The following DOK6 variants were observed in gnomAD, a reference collection of about 807,000 sequenced individuals.
DOK6 encodes downstream of tyrosine kinase 6.
A neutral mutation model predicts 44.0 loss-of-function variants in DOK6; 22 were observed. That is an observed-to-expected ratio of 0.50 (90% CI 0.36 to 0.71). The LOEUF is 0.71. Ranked by LOEUF, DOK6 falls within the 30% of genes least tolerant of loss-of-function variation. DOK6 has a pLI of 0.00. For synonymous variants in DOK6, 166 were observed against 145.5 expected (o/e 1.14, Z -1.01); for missense variants, 340 against 416.4 (o/e 0.82, Z 1.60).
chr18:69,621,049 G>C (rs1984428291), intron 3 of DOK6, among the ~76,000 whole-genome samples: 3 of 151,062 alleles, frequency 2.0e-5, no homozygotes, highest in Admixed American at 6.6e-5. Context: ...CTACTTGAAT[G>C]CATTCTGGTT....
At chr18:69,656,041 G>A (rs4533382) in intron 3 of DOK6, among the ~76,000 whole-genome samples, 131 of 151,958 alleles carry the variant, frequency 8.6e-4, no homozygotes, top group Middle Eastern at 3.4e-3. Flanking sequence ...AAGTCAACAA[G>A]TAGACACATA....
intron 1 of DOK6, among the ~76,000 whole-genome samples, chr18:69,537,207 A>G (rs1982148582): frequency 6.6e-6 from 1 of 152,258 alleles, no homozygotes. Context: ...CTTTGATTTT[A>G]TAAAGACTTT....
intron 1 of DOK6, among the ~76,000 whole-genome samples, chr18:69,454,676 T>C (rs1166487530): frequency 8.0e-6 from 1 of 125,550 alleles, no homozygotes; most frequent in African/African-American, 2.8e-5. Flanking sequence ...CCAACAATTA[T>C]AGACTGGATT....
intron 2 of DOK6, among the ~76,000 whole-genome samples, chr18:69,598,655 T>A (rs1471350645): frequency 6.6e-6 from 1 of 152,144 alleles, no homozygotes; most frequent in Non-Finnish European, 1.5e-5. Context: ...GTTGAGGAAA[T>A]ATACATTTGT....
chr18:69,756,169 G>A (rs1051247685), intron 6 of DOK6, among the ~76,000 whole-genome samples: 9 of 152,224 alleles, frequency 5.9e-5, no homozygotes, highest in South Asian at 2.1e-4. Flanking sequence ...GAGGTTCCCC[G>A]GGGAGCCTTC....
chr18:69,478,182 G>C (rs1056214139), intron 1 of DOK6, among the ~76,000 whole-genome samples: 1 of 152,086 alleles, frequency 6.6e-6, no homozygotes, highest in African/African-American at 2.4e-5. Flanking sequence ...GAGAGAAGAG[G>C]CTTTCCGAAT....
intron 1 of DOK6, among the ~76,000 whole-genome samples, chr18:69,508,013 G>T (rs566162369): frequency 6.6e-6 from 1 of 152,030 alleles, no homozygotes; most frequent in African/African-American, 2.4e-5. Flanking sequence ...TTTTTATAGA[G>T]GCTATATGTC....
chr18:69,802,894 C>A (rs1303596148), intron 7 of DOK6, among the ~76,000 whole-genome samples: 1 of 151,816 alleles, frequency 6.6e-6, no homozygotes, highest in African/African-American at 2.4e-5. Context: ...GAAAACTGAC[C>A]AACACAGAAG....
At chr18:69,758,125 T>G (rs1979420829) in intron 7 of DOK6, among the ~76,000 whole-genome samples, 1 of 152,242 alleles carries the variant, frequency 6.6e-6, no homozygotes, top group African/African-American at 2.4e-5. Flanking sequence ...AGAACTTGAC[T>G]AAAACATTAT....
At chr18:69,754,903 T>C (rs1979305321) in intron 6 of DOK6, among the ~76,000 whole-genome samples, 1 of 152,170 alleles carries the variant, frequency 6.6e-6, no homozygotes, top group South Asian at 2.1e-4. Flanking sequence ...TCTACAGCAG[T>C]ACTCAATACA....
chr18:69,553,928 T>G (rs1982626765), intron 1 of DOK6, among the ~76,000 whole-genome samples: 1 of 152,202 alleles, frequency 6.6e-6, no homozygotes, highest in African/African-American at 2.4e-5. Context: ...TAATACCTTT[T>G]GTAACACATG....
At chr18:69,735,605 G>A (rs549109578) in intron 5 of DOK6, among the ~76,000 whole-genome samples, 2 of 152,334 alleles carry the variant, frequency 1.3e-5, no homozygotes, top group East Asian at 3.9e-4. Context: ...GAGCCTTGAT[G>A]TCCAAGGTTT....
chr18:69,537,806 C>T (rs1982162832), intron 1 of DOK6, among the ~76,000 whole-genome samples: 1 of 152,100 alleles, frequency 6.6e-6, no homozygotes, highest in Non-Finnish European at 1.5e-5. Context: ...AGAGGACATT[C>T]TTTCTGTTTT....
intron 5 of DOK6, 115 bp from the exon 6 acceptor site, chr18:69,738,850 C>T (rs1032012982): frequency 4.5e-6 from 6 of 1,341,842 alleles, no homozygotes; most frequent in African/African-American, 4.4e-5. Context: ...GCCTCACTAA[C>T]TCCTGTGGAG....
intron 1 of DOK6, among the ~76,000 whole-genome samples, chr18:69,421,411 G>A (rs975869054): frequency 6.6e-6 from 1 of 152,166 alleles, no homozygotes; most frequent in Non-Finnish European, 1.5e-5. Context: ...GAGACATTTG[G>A]TTGAGGCTGT....
intron 7 of DOK6, among the ~76,000 whole-genome samples, chr18:69,811,570 A>C (rs1351617515): frequency 1.2e-4 from 2 of 16,016 alleles, no homozygotes; most frequent in Admixed American, 2.4e-3. Context: ...ATATATATAT[A>C]TATATATCAA....
intron 1 of DOK6, among the ~76,000 whole-genome samples, chr18:69,551,758 C>T (rs992888779): frequency 6.6e-6 from 1 of 152,108 alleles, no homozygotes; most frequent in African/African-American, 2.4e-5. Flanking sequence ...TTGAAACAAA[C>T]ATCAAAATTT....
At chr18:69,772,881 A>T (rs1979929701) in intron 7 of DOK6, among the ~76,000 whole-genome samples, 2 of 152,064 alleles carry the variant, frequency 1.3e-5, no homozygotes, top group Non-Finnish European at 2.9e-5. Flanking sequence ...AGTAAAGAAA[A>T]CAATAAACAG....
rs766474288 is a variant in DOK6 at position 69,739,018 on chromosome 18, T to C, written c.653T>C (p.Met218Thr). 3 of 1,613,946 alleles carry C rather than the reference T, an allele frequency of 1.9e-6. No homozygotes were observed. Among genetic ancestry groups the C allele is most frequent in the Non-Finnish European group, 2.5e-6 (3 of 1,179,948 alleles). The change falls in exon 6 of 8, where the codon ATG (methionine) becomes ACG (threonine). Residue 218 changes from methionine (M) to threonine (T), a missense_variant. Physicochemically the swap from Met to Thr is moderately conservative, Grantham distance 81 (BLOSUM62 -1). Coordinates refer to ENST00000382713, the MANE Select transcript of DOK6 (RefSeq NM_152721.6). ...LFTFQTREGE[M>T]IYQKVHSATL... ...ACTTTTCAAACAAGGGAAGGAGAAA[T>C]GATCTATCAGAAGGTTCATTCTGCG...
Sources: allele counts gnomAD v4.1 joint callset (sites outside exome capture counted in the v4.1 genomes callset), GRCh38; gene constraint gnomAD v4.1.1; transcripts MANE v1.5; gene names NCBI Gene and HGNC (gene_info 2026-07-23, HGNC 2026-07-21).